Variants in KYAT3 observed in about 807,000 individuals in gnomAD.
KYAT3 encodes the protein kynurenine aminotransferase 3, also known as kynurenine--oxoglutarate transaminase 3.
Under a neutral mutation model 59.0 loss-of-function variants are expected in KYAT3, and 50 were observed. The observed-to-expected ratio is 0.85, with a 90% confidence interval of 0.68 to 1.07. The LOEUF is 1.07. Ranked by LOEUF, KYAT3 falls within the 50% of genes least tolerant of loss-of-function variation. The probability of loss-of-function intolerance (pLI) is 0.00; values close to 1 mark genes in which losing one functional copy is unlikely to be tolerated. For missense variants in KYAT3, 497 were observed against 533.3 expected, an observed-to-expected ratio of 0.93 and a Z score of 0.67; for synonymous variants, 148 against 177.0, an observed-to-expected ratio of 0.84 and a Z score of 1.30.
chr1:88,958,109 C>G (rs1258725565), intron 8 of KYAT3, among the ~76,000 whole-genome samples: 1 of 152,140 alleles, frequency 6.6e-6, no homozygotes, highest in Non-Finnish European at 1.5e-5. Context: ...GCCTATAATT[C>G]CACTTGTCCC....
chr1:88,956,123 C>A (rs1675904896), intron 8 of KYAT3, among the ~76,000 whole-genome samples: 1 of 152,144 alleles, frequency 6.6e-6, no homozygotes, highest in Non-Finnish European at 1.5e-5. Context: ...AACATCACAG[C>A]CTTCTTGCAC....
Position 88,949,247 on chromosome 1 carries a change from T to A in KYAT3, c.985A>T (p.Ile329Phe). ...EALAQAFWID[I>F]KRMDDPECYF... ...CATTCTGGGTCATCCATGCGCTTGA[T>A]GTCAATCCAGAAAGCTTGAGCCAAG... The change falls in exon 11 of 14, where the codon ATC becomes TTC. Residue 329 changes from isoleucine to phenylalanine, a missense_variant. Ile to Phe is a conservative substitution (Grantham distance 21, BLOSUM62 0). Transcript: ENST00000260508. 1.3e-6 allele frequency: 2 copies of A among 1,574,418 alleles called. No homozygotes were observed. Among genetic ancestry groups the A allele is most frequent in the Non-Finnish European group, 1.7e-6 (2 of 1,166,330 alleles).
At chr1:88,985,843 T>C (rs1039856806) in intron 2 of KYAT3, among the ~76,000 whole-genome samples, 22 of 152,082 alleles carry the variant, frequency 1.4e-4, no homozygotes, top group Non-Finnish European at 2.4e-4. Flanking sequence ...CAAAGAGATA[T>C]TGGGTATGGA....
rs1265310638 is a variant in KYAT3, at chr1:88,982,859, C to T, written c.99+5393G>A. The T allele has an allele frequency of 1.9e-6, 3 of 1,614,020 alleles. No individual in the cohort carries two copies. The South Asian group carries it at 3.3e-5, about 18-fold the overall frequency. On this transcript the variant is annotated intron_variant, in intron 2 of 13. Coordinates refer to ENST00000260508, the MANE Select transcript of KYAT3 (RefSeq NM_001008661.3). The stretch of plus-strand genomic sequence containing the variant: ...TCGGCTGCTTGAGTAACTGTCTCGA[C>T]TTCCACCATATCCATCACGTGAGCT...
At chr1:88,974,606 G>A (rs989707554) in intron 2 of KYAT3, among the ~76,000 whole-genome samples, 8 of 151,428 alleles carry the variant, frequency 5.3e-5, no homozygotes, top group African/African-American at 1.7e-4. Flanking sequence ...GGGACTGAGA[G>A]ATGAAGCCAG....
intron 2 of KYAT3, chr1:88,983,453 C>T (rs1436717850): frequency 5.6e-6 from 9 of 1,613,984 alleles, no homozygotes; most frequent in South Asian, 1.1e-5. Context: ...GTGTCCTCCT[C>T]GTGAAGGAGG....
the KYAT3 span, among the ~76,000 whole-genome samples, chr1:88,927,641 AC>A: frequency 4.1e-3 from 629 of 152,138 alleles, no homozygotes; most frequent in Non-Finnish European, 6.9e-3. Context: ...ACCAAAGAGT[AC>A]CAGTATTCCC....
chr1:88,922,081 T>C, the KYAT3 span, among the ~76,000 whole-genome samples: 2 of 152,160 alleles, frequency 1.3e-5, no homozygotes, highest in Non-Finnish European at 2.9e-5. Context: ...GCATGGTGGC[T>C]CATGCCTATA....
At chr1:88,972,303 T>C (rs188106912) in intron 2 of KYAT3, among the ~76,000 whole-genome samples, 1 of 152,342 alleles carries the variant, frequency 6.6e-6, no homozygotes, top group African/African-American at 2.4e-5. Context: ...TAAACGTTAA[T>C]CTCATCTAAA....
rs1570801745 is a variant in KYAT3 at position 88,962,072 on chromosome 1, A to G, written c.527T>C (p.Ile176Thr). Residue 176 changes from isoleucine to threonine, a missense_variant, in exon 6 of 14, where the codon ATT becomes ACT. Ile to Thr is a moderately conservative substitution (Grantham distance 89, BLOSUM62 -1). Transcript: ENST00000260508. ...VRMAGATPVF[I>T]PLRSKPVYGK... ...TGGCAAACTTACAGATCTCAGGGGAATAAAAACAGGTGTTGCTCCAGCCAT... is the reference window on the plus strand; with the variant it reads ...TGGCAAACTTACAGATCTCAGGGGAGTAAAAACAGGTGTTGCTCCAGCCAT... The G allele has an allele frequency of 6.2e-7, 1 of 1,613,632 alleles. No individual in the cohort carries two copies. Among genetic ancestry groups the G allele is most frequent in the African/African-American group, 1.3e-5 (1 of 75,034 alleles).
chr1:88,937,315 C>T (rs1675077865), intron 13 of KYAT3, among the ~76,000 whole-genome samples: 1 of 152,072 alleles, frequency 6.6e-6, no homozygotes, highest in South Asian at 2.1e-4. Flanking sequence ...CACAAAATGT[C>T]AAAGCCTGAA....
intron 5 of KYAT3, chr1:88,964,411 A>G (rs1676261390): frequency 6.4e-6 from 1 of 155,736 alleles, no homozygotes; most frequent in Non-Finnish European, 1.4e-5. Context: ...AATAAATTAT[A>G]TGCAACAAAA....
rs1233975221 is a variant in KYAT3 at position 88,942,998 on chromosome 1, AACTT to A, written c.1302+3_1302+6del. On this transcript the variant is annotated splice_donor_5th_base_variant and intron_variant, in intron 13 of 13. Transcript: ENST00000260508. ...TATATGTGTTTTCAATAGAGCAGGG[AACTT>A]ACTTTAATGAAGCAAAAACGCACAA... 1.9e-6 allele frequency: 3 copies of A among 1,584,436 alleles called. No individual in the cohort carries two copies. Among genetic ancestry groups the A allele is most frequent in the South Asian group, 2.2e-5 (2 of 90,252 alleles).
At chr1:88,929,425 A>T in the KYAT3 span, among the ~76,000 whole-genome samples, 1 of 152,128 alleles carries the variant, frequency 6.6e-6, no homozygotes, top group African/African-American at 2.4e-5. Flanking sequence ...ATCCCTGTAC[A>T]TCCTGACTCT....
intron 2 of KYAT3, chr1:88,982,963 A>T: frequency 6.4e-7 from 1 of 1,573,472 alleles, no homozygotes; most frequent in Non-Finnish European, 8.7e-7. Flanking sequence ...GTGAGTTACC[A>T]TAACTCTCAT....
In KYAT3 at chr1:88,940,544, G is replaced by T. The variant is rs558565367; in HGVS notation, c.1302+2461C>A. Among the ~76,000 whole-genome samples the T allele has an allele frequency of 2.0e-4, 31 of 151,972 alleles. 1 individual carries two copies. In the South Asian group the frequency reaches 6.5e-3, roughly 32 times the overall value. The stretch of plus-strand genomic sequence containing the variant: ...GAGAAGCTGGGGCAGCACCAGAAAA[G>T]AGCAGAAATTCTCCTTGTCTCATAG... On this transcript the variant is annotated intron_variant, in intron 13 of 13. Coordinates refer to ENST00000260508, the MANE Select transcript of KYAT3 (RefSeq NM_001008661.3).
intron 1 of KYAT3, among the ~76,000 whole-genome samples, chr1:88,990,972 GT>G (rs1173649771): frequency 6.6e-6 from 1 of 152,046 alleles, no homozygotes; most frequent in Non-Finnish European, 1.5e-5. Context: ...TATTTTTCTA[GT>G]TTCTCCCTAA....
chr1:88,955,353 A>G (rs1675867220), intron 8 of KYAT3, 128 bp from the exon 9 acceptor site: 2 of 584,938 alleles, frequency 3.4e-6, no homozygotes, highest in Non-Finnish European at 5.8e-6. Context: ...CAGTATAGTT[A>G]TTTCTAGTTT....
At chr1:88,984,952 T>C (rs1022626459) in intron 2 of KYAT3, among the ~76,000 whole-genome samples, 2 of 152,244 alleles carry the variant, frequency 1.3e-5, no homozygotes, top group African/African-American at 4.8e-5. Context: ...GGTTACTTCA[T>C]ATCACATGAG....
Sources: allele counts gnomAD v4.1 joint callset (sites outside exome capture counted in the v4.1 genomes callset), GRCh38; gene constraint gnomAD v4.1.1; transcripts MANE v1.5; gene names NCBI Gene and HGNC (gene_info 2026-07-23, HGNC 2026-07-21).